The following PER2 variants were observed in gnomAD, a reference collection of about 807,000 sequenced individuals.
The protein encoded by PER2 is period circadian protein homolog 2.
In PER2, 66 loss-of-function variants were observed where a neutral mutation model predicts 121.0. That is an observed-to-expected ratio of 0.55 (90% CI 0.45 to 0.67). PER2 has a LOEUF of 0.67. Ranked by LOEUF, PER2 falls within the 30% of genes least tolerant of loss-of-function variation. PER2 has a pLI of 0.00. For synonymous variants in PER2, 684 were observed against 659.9 expected (o/e 1.04, Z -0.56); for missense variants, 1,521 against 1,635.0 (o/e 0.93, Z 1.20).
At chr2:238,283,860 C>T (rs1190270220) in intron 1 of PER2, among the ~76,000 whole-genome samples, 2 of 152,178 alleles carry the variant, frequency 1.3e-5, no homozygotes, top group East Asian at 3.9e-4. Flanking sequence ...AGCCCTCCCC[C>T]AGATAAGCAG....
intron 5 of PER2, among the ~76,000 whole-genome samples, chr2:238,271,892 C>A (rs73088939): frequency 1.5e-4 from 23 of 152,154 alleles, no homozygotes; most frequent in African/African-American, 5.5e-4. Flanking sequence ...CGGAAAGATG[C>A]CTGCCCCAAG....
At chr2:238,271,977 T>C (rs1696305070) in intron 5 of PER2, among the ~76,000 whole-genome samples, 1 of 152,184 alleles carries the variant, frequency 6.6e-6, no homozygotes, top group East Asian at 1.9e-4. Context: ...TCCAAGCTTG[T>C]GATAAGCCCC....
chr2:238,264,494 T>A (rs1233977776), intron 9 of PER2, among the ~76,000 whole-genome samples: 3 of 152,136 alleles, frequency 2.0e-5, no homozygotes, highest in African/African-American at 7.2e-5. Context: ...GAGGGAGAGG[T>A]CTTGATCCTC....
chr2:238,285,745 G>A (rs1164871028), intron 1 of PER2, among the ~76,000 whole-genome samples: 1 of 121,534 alleles, frequency 8.2e-6, no homozygotes, highest in Non-Finnish European at 2.0e-5. Flanking sequence ...CTACCCCGCG[G>A]GGACTCACTA....
At chr2:238,255,987 C>T (rs1695749272) in intron 17 of PER2, 76 bp from the exon 18 acceptor site, 2 of 1,542,026 alleles carry the variant, frequency 1.3e-6, no homozygotes, top group Non-Finnish European at 1.8e-6. Context: ...TATTCACGAA[C>T]AAGACAAATC....
At chr2:238,286,343 A>T (rs1696783232) in intron 1 of PER2, among the ~76,000 whole-genome samples, 1 of 152,170 alleles carries the variant, frequency 6.6e-6, no homozygotes, top group Non-Finnish European at 1.5e-5. Flanking sequence ...TGTCTTGGGA[A>T]CTACCAGTCT....
intron 1 of PER2, among the ~76,000 whole-genome samples, chr2:238,286,147 A>G (rs1405898080): frequency 6.6e-6 from 1 of 152,210 alleles, no homozygotes; most frequent in African/African-American, 2.4e-5. Flanking sequence ...AAATAAAGGC[A>G]AAAGTGTCAG....
Position 238,257,066 on chromosome 2 carries a change from C to A in PER2, c.1921G>T (p.Val641Leu). 1.2e-6 allele frequency: 2 copies of A among 1,612,722 alleles called. No individual in the cohort carries two copies. The highest frequency in any genetic ancestry group is 1.7e-6 in the Non-Finnish European group (2 of 1,179,922). The change falls in exon 17 of 23, where the codon GTG (valine) becomes TTG (leucine). Residue 641 changes from valine to leucine, a missense_variant. Physicochemically the swap from Val to Leu is conservative, Grantham distance 32 (BLOSUM62 1). Coordinates refer to ENST00000254657, the MANE Select transcript of PER2 (RefSeq NM_022817.3). The part of the protein sequence containing the change: ...HAGEAEPPSR[V>L]NSRTGVGTHL... Reference sequence around the variant, plus strand: ...GTACCTACTCCCGTGCGGCTGTTCACCCTGGAGGGCGGCTCTGCCTCTTCA... The same window carrying A: ...GTACCTACTCCCGTGCGGCTGTTCAACCTGGAGGGCGGCTCTGCCTCTTCA...
upstream of PER2, among the ~76,000 whole-genome samples, chr2:238,288,946 A>T (rs943205498): frequency 1.3e-5 from 2 of 152,218 alleles, no homozygotes; most frequent in African/African-American, 4.8e-5. Flanking sequence ...TAAGACGCAC[A>T]TGGAACTCCA....
chr2:238,263,165 AC>A (rs1346550944), intron 9 of PER2, 107 bp from the exon 10 acceptor site: 21 of 674,160 alleles, frequency 3.1e-5, no homozygotes, highest in African/African-American at 1.4e-4. Context: ...TCCAAACCCC[AC>A]CCCCTCCCCC....
chr2:238,272,966 C>A (rs1277953172), intron 5 of PER2, 104 bp downstream of exon 5: 21 of 1,055,174 alleles, frequency 2.0e-5, no homozygotes, highest in Non-Finnish European at 3.0e-5. Context: ...TGCTGAAACC[C>A]CAAACACTCC....
Position 238,244,754 on chromosome 2 carries a change from C to T in PER2, c.*1621G>A, listed in dbSNP as rs563629958. ...TTCACCTCCATCAAAAAACAGAAAA[C>T]CCTGGTCCCAGTTGGGCGTGGTGGC... On this transcript the variant is annotated 3_prime_UTR_variant, in exon 23 of 23. Transcript: ENST00000254657. 6.6e-6 allele frequency: 1 copy of T among 152,248 alleles called. No individual in the cohort carries two copies. Among genetic ancestry groups the T allele is most frequent in the Non-Finnish European group, 1.5e-5 (1 of 68,030 alleles). The allele number at this position is 152,248 out of a possible 1,614,324, so 9.4% of individuals were successfully genotyped here. A position where few individuals can be genotyped will look rare whatever the true frequency, so the allele number is the denominator to read the frequency against.
rs187711301 is a variant in PER2 at position 238,268,811 on chromosome 2, C to T, written c.824+112G>A. The T allele has an allele frequency of 6.1e-5, 48 of 781,730 alleles. No homozygotes were observed. In the East Asian group the frequency reaches 8.2e-4, roughly 13 times the overall value. The allele number at this position is 781,730 out of a possible 1,614,324, so 48.4% of individuals were successfully genotyped here. A position where few individuals can be genotyped will look rare whatever the true frequency, so the allele number is the denominator to read the frequency against. On this transcript the variant is annotated intron_variant, in intron 7 of 22. Transcript: ENST00000254657. This position sits in a 1 kb window ranked among gnomAD's most constrained non-coding sequence, Gnocchi z 4.0. ...TTTTCTGGTAGACTTCAGAAACAGGCGTGCTGAGTCCCTGCAGGCAGGGAT... is the reference window on the plus strand; with the variant it reads ...TTTTCTGGTAGACTTCAGAAACAGGTGTGCTGAGTCCCTGCAGGCAGGGAT...
In PER2 at chr2:238,249,738, C is replaced by T. The variant is rs1457355135; in HGVS notation, c.3468-526G>A. Among the ~76,000 whole-genome samples the T allele has an allele frequency of 2.6e-5, 4 of 152,204 alleles. No individual in the cohort carries two copies. The East Asian group carries it at 7.7e-4, about 29-fold the overall frequency. Reference sequence around the variant, plus strand: ...GGACTGGATCATGGGGGCGGTTCCCCTACGCTGTCCTGGTGATAGTGAGTT... The same window carrying T: ...GGACTGGATCATGGGGGCGGTTCCCTTACGCTGTCCTGGTGATAGTGAGTT... On this transcript the variant is annotated intron_variant, in intron 21 of 22. Coordinates refer to ENST00000254657, the MANE Select transcript of PER2 (RefSeq NM_022817.3).
chr2:238,277,620 G>T, intron 2 of PER2, 87 bp downstream of exon 2: 1 of 1,448,954 alleles, frequency 6.9e-7, no homozygotes, highest in Non-Finnish European at 9.6e-7. Flanking sequence ...ATGATTTAAA[G>T]ATTGCAAAAG....
chr2:238,284,498 G>A (rs759396709), intron 1 of PER2, among the ~76,000 whole-genome samples: 1 of 151,706 alleles, frequency 6.6e-6, no homozygotes, highest in Non-Finnish European at 1.5e-5. Flanking sequence ...GGCAACAAAC[G>A]TAATTTTGGA....
In PER2 at chr2:238,260,039, A is replaced by G; in HGVS notation, c.1557T>C (p.Asn519=). 1 of 1,458,194 alleles carries G rather than the reference A, an allele frequency of 6.9e-7. No individual in the cohort carries two copies. The allele number at this position is 1,458,194 out of a possible 1,614,324, so 90.3% of individuals were successfully genotyped here. A position where few individuals can be genotyped will look rare whatever the true frequency, so the allele number is the denominator to read the frequency against. ...SRRRRAEICK[N]GNKTKNRSHY... The stretch of plus-strand genomic sequence containing the variant: ...GACTTCTATTTTTGGTCTTGTTACC[A>G]TTTTTACAAATTTCCTTGAAGAAAA... Residue 519 remains asparagine, a synonymous_variant, in exon 14 of 23, where the codon AAT becomes AAC. Transcript: ENST00000254657.
At chr2:238,288,766 C>G (rs1349191162), upstream of PER2, among the ~76,000 whole-genome samples, 2 of 151,620 alleles carry the variant, frequency 1.3e-5, no homozygotes, top group African/African-American at 4.8e-5. Flanking sequence ...GCCGCCGCCT[C>G]CGCCGCGGCC....
chr2:238,252,002 C>T lies in PER2; in HGVS notation c.3112-241G>A, dbSNP rs1695618208. On this transcript the variant is annotated intron_variant, in intron 19 of 22. Coordinates refer to ENST00000254657, the MANE Select transcript of PER2 (RefSeq NM_022817.3). This position sits in a 1 kb window ranked among gnomAD's most constrained non-coding sequence, Gnocchi z 4.2. Reference sequence around the variant, plus strand: ...GTTACATTTAATTTTCGGAGAGTCACATGGAAGACGGCAATACCTGGGCTC... The same window carrying T: ...GTTACATTTAATTTTCGGAGAGTCATATGGAAGACGGCAATACCTGGGCTC... Among the ~76,000 whole-genome samples the T allele has an allele frequency of 6.6e-6, 1 of 152,192 alleles. No homozygotes were observed. The highest frequency in any genetic ancestry group is 6.5e-5 in the Admixed American group (1 of 15,286).
Sources: allele counts gnomAD v4.1 joint callset (sites outside exome capture counted in the v4.1 genomes callset), GRCh38; gene constraint gnomAD v4.1.1; non-coding constraint Gnocchi (gnomAD v3.1); transcripts MANE v1.5; gene names NCBI Gene and HGNC (gene_info 2026-07-23, HGNC 2026-07-21).